OOSP1: variants seen among roughly 807,000 people sequenced by gnomAD.
The protein encoded by OOSP1 is oocyte secreted protein 1, also known as putative oocyte-secreted protein 1 homolog.
In OOSP1, 11 loss-of-function variants were observed where a neutral mutation model predicts 5.7. The observed-to-expected ratio is 1.94, with a 90% CI of 1.22 to 3.20. The LOEUF (loss-of-function observed/expected upper bound fraction) is 3.20, where lower values mean the gene tolerates loss of function less well. Ranked by LOEUF, OOSP1 falls within the 30% of genes most tolerant of loss-of-function variation. OOSP1 has a pLI of 0.00. For missense variants in OOSP1, 83 were observed against 54.1 expected (o/e 1.53, Z -1.67); for synonymous variants, 44 against 20.0 (o/e 2.20, Z -3.20).
intron 2 of OOSP1, among the ~76,000 whole-genome samples, chr11:59,944,007 A>G (rs191633217): frequency 3.2e-4 from 48 of 152,284 alleles, no homozygotes; most frequent in African/African-American, 1.0e-3. Context: ...GAGTGTGCGG[A>G]ATATTTATTA....
chr11:59,941,983 T>C (rs1332899915), intron 1 of OOSP1, among the ~76,000 whole-genome samples: 1 of 152,232 alleles, frequency 6.6e-6, no homozygotes, highest in Non-Finnish European at 1.5e-5. Context: ...CATCTTTTCA[T>C]ATAGTTATTT....
chr11:59,948,791 G>A (rs1277555686), intron 4 of OOSP1: 1 of 397,932 alleles, frequency 2.5e-6, no homozygotes, highest in Non-Finnish European at 4.4e-6. Context: ...GATATTGAGA[G>A]GCAATTTGGA....
chr11:59,939,774 ATCTTTC>A (rs1853806586), intron 1 of OOSP1, among the ~76,000 whole-genome samples: 1 of 109,576 alleles, frequency 9.1e-6, no homozygotes, highest in Non-Finnish European at 1.9e-5. Context: ...TCTCTTTCTC[ATCTTTC>A]TCTTTCTTTT....
intron 4 of OOSP1, among the ~76,000 whole-genome samples, 189 bp downstream of exon 4, chr11:59,948,051 T>C (rs1853904098): frequency 6.6e-6 from 1 of 152,230 alleles, no homozygotes; most frequent in Non-Finnish European, 1.5e-5. Context: ...CATGGTGGTC[T>C]TGATAATCTG....
chr11:59,945,275 G>C lies in OOSP1; in HGVS notation c.356+9G>C, dbSNP rs989612077. 5 of 702,848 alleles carry C rather than the reference G, an allele frequency of 7.1e-6. No individual in the cohort carries two copies. The highest frequency in any genetic ancestry group is 1.5e-5 in the South Asian group (1 of 67,592). 43.5% of individuals were successfully genotyped at this position (702,848 alleles called of 1,614,324 possible). A position where few individuals can be genotyped will look rare whatever the true frequency, so the allele number is the denominator to read the frequency against. The stretch of plus-strand genomic sequence containing the variant: ...TCGTGTGTCGTCCACAAGTGAGTAT[G>C]GAATGCCAAACCCCTGTCCTAGCCC... On this transcript the variant is annotated intron_variant, in intron 3 of 4. Transcript: ENST00000646685.
At chr11:59,952,254 A>C (rs1472455920) in intron 4 of OOSP1, among the ~76,000 whole-genome samples, 6 of 152,152 alleles carry the variant, frequency 3.9e-5, no homozygotes, top group African/African-American at 1.4e-4. Context: ...AAAGAGCTAA[A>C]AGTAAATCTA....
intron 4 of OOSP1, among the ~76,000 whole-genome samples, chr11:59,952,027 T>A (rs1853945188): frequency 6.6e-6 from 1 of 152,050 alleles, no homozygotes; most frequent in African/African-American, 2.4e-5. Flanking sequence ...TGGTATAATA[T>A]GAATCAATGG....
At chr11:59,950,706 G>T (rs998181204) in intron 4 of OOSP1, among the ~76,000 whole-genome samples, 1 of 152,064 alleles carries the variant, frequency 6.6e-6, no homozygotes, top group Non-Finnish European at 1.5e-5. Flanking sequence ...TTGGTGGAGA[G>T]GTATGGGTGA....
intron 4 of OOSP1, chr11:59,948,865 AGGAAGG>A (rs1853913329): frequency 7.6e-6 from 3 of 397,338 alleles, no homozygotes. Flanking sequence ...TCTGAGAAGC[AGGAAGG>A]GGATTTAATG....
At chr11:59,956,928 T>TAA (rs1218703187) in intron 4 of OOSP1, among the ~76,000 whole-genome samples, 1 of 152,134 alleles carries the variant, frequency 6.6e-6, no homozygotes, top group Admixed American at 6.6e-5. Context: ...TATATATATA[T>TAA]AACAGTTTCT....
intron 2 of OOSP1, among the ~76,000 whole-genome samples, chr11:59,944,821 T>G (rs970565246): frequency 6.6e-6 from 1 of 152,222 alleles, no homozygotes; most frequent in African/African-American, 2.4e-5. Flanking sequence ...ATGTGATTCA[T>G]ATGATCTCAA....
chr11:59,946,973 AT>A (rs1853891518), intron 3 of OOSP1, among the ~76,000 whole-genome samples: 2 of 147,958 alleles, frequency 1.4e-5, no homozygotes, highest in South Asian at 2.1e-4. Flanking sequence ...CTATCTGTCT[AT>A]CTACTCTGTA....
At chr11:59,938,451 G>A in exon 1 of OOSP1, 1 of 575,086 alleles carries the variant, frequency 1.7e-6, no homozygotes, top group South Asian at 2.3e-5. Flanking sequence ...TTCAATCTGG[G>A]CAAATGAAGA....
At chr11:59,941,862 A>C (rs1450451231) in intron 1 of OOSP1, among the ~76,000 whole-genome samples, 1 of 152,210 alleles carries the variant, frequency 6.6e-6, no homozygotes, top group Non-Finnish European at 1.5e-5. Flanking sequence ...GTTTCTCGGC[A>C]TCCTCACCAG....
At chr11:59,952,197 T>C (rs1853946514) in intron 4 of OOSP1, among the ~76,000 whole-genome samples, 1 of 152,162 alleles carries the variant, frequency 6.6e-6, no homozygotes, top group Non-Finnish European at 1.5e-5. Context: ...TAGTATTTTG[T>C]TGGGAGGATG....
At chr11:59,955,040 G>A (rs1395848000) in intron 4 of OOSP1, among the ~76,000 whole-genome samples, 1 of 151,822 alleles carries the variant, frequency 6.6e-6, no homozygotes, top group Non-Finnish European at 1.5e-5. Flanking sequence ...GTGGTATCAT[G>A]AGAACTTTTA....
rs571480325 is a variant in OOSP1, at chr11:59,944,941, T to C, written c.259-228T>C. ...TCACAAAGCTCCTTTCTCTTTTAAC[T>C]AACAAGTATTGCTTGCCTTTTATGT... On this transcript the variant is annotated intron_variant, in intron 2 of 4. Coordinates refer to ENST00000646685, the Ensembl canonical transcript of OOSP1. 5.3e-5 allele frequency among the ~76,000 whole-genome samples: 8 copies of C among 152,338 alleles called. No individual in the cohort carries two copies. The East Asian group carries it at 1.5e-3, about 29-fold the overall frequency.
At chr11:59,938,984 C>A (rs1853798127) in intron 1 of OOSP1, among the ~76,000 whole-genome samples, 1 of 152,106 alleles carries the variant, frequency 6.6e-6, no homozygotes, top group Non-Finnish European at 1.5e-5. Context: ...GCAGTCAGTG[C>A]CCCCTAAGTG....
Position 59,947,681 on chromosome 11 carries a change from C to G in OOSP1, c.357-52C>G, listed in dbSNP as rs1853900011. ...AGTTCAGCCTTGTAAATGCTAGGATCTGAGTAGATCTTAACCACTATGTGA... is the reference window on the plus strand; with the variant it reads ...AGTTCAGCCTTGTAAATGCTAGGATGTGAGTAGATCTTAACCACTATGTGA... On this transcript the variant is annotated intron_variant, in intron 3 of 4. Coordinates refer to ENST00000646685, the Ensembl canonical transcript of OOSP1. 2.5e-5 allele frequency: 10 copies of G among 397,592 alleles called. No homozygotes were observed. The Admixed American group carries it at 4.0e-4, about 16-fold the overall frequency. The allele number at this position is 397,592 out of a possible 1,614,324, so 24.6% of individuals were successfully genotyped here.
Sources: gnomAD v4.1 joint callset for allele counts (sites outside exome capture counted in the v4.1 genomes callset) on GRCh38, gnomAD v4.1.1 for gene constraint, MANE v1.5 for transcripts, NCBI Gene and HGNC (gene_info 2026-07-23, HGNC 2026-07-21) for gene names.